MALRD1: variants seen among roughly 807,000 people sequenced by gnomAD.
MALRD1 encodes the protein MAM and LDL receptor class A domain containing 1, also known as MAM and LDL-receptor class A domain-containing protein 1.
Under a neutral mutation model 242.1 loss-of-function variants are expected in MALRD1, and 247 were observed. The ratio of observed to expected loss-of-function variants is 1.02; its 90% CI spans 0.92 to 1.13. MALRD1 has a LOEUF of 1.13. MALRD1 is among the 50% of genes most tolerant of loss of function. The probability of loss-of-function intolerance (pLI) is 0.00; values close to 1 mark genes in which losing one functional copy is unlikely to be tolerated. For missense variants in MALRD1, 2,989 were observed against 2,533.1 expected, an observed-to-expected ratio of 1.18 and a Z score of -3.86; for synonymous variants, 995 against 866.6, an observed-to-expected ratio of 1.15 and a Z score of -2.60.
intron 36 of MALRD1, among the ~76,000 whole-genome samples, chr10:19,671,690 T>C (rs1178470191): frequency 6.6e-6 from 1 of 152,206 alleles, no homozygotes; most frequent in African/African-American, 2.4e-5. Context: ...TACGTATCCA[T>C]TGCCTAAAAA....
intron 29 of MALRD1, among the ~76,000 whole-genome samples, chr10:19,454,525 A>T (rs2131062153): frequency 6.7e-6 from 1 of 149,348 alleles, no homozygotes; most frequent in African/African-American, 2.5e-5. Flanking sequence ...TATATGGATA[A>T]ACCCATATAA....
At chr10:19,306,320 GTATATATAGTGTCGTATATATACCATA>G (rs1437827222) in intron 21 of MALRD1, among the ~76,000 whole-genome samples, 6 of 137,184 alleles carry the variant, frequency 4.4e-5, no homozygotes, top group Non-Finnish European at 6.2e-5. Flanking sequence ...ACCGTATATA[GTATATATAGTGTCGTATATATACCATA>G]TATAGTATAT....
At chr10:19,108,713 G>A (rs1295154025) in intron 5 of MALRD1, among the ~76,000 whole-genome samples, 1 of 26,698 alleles carries the variant, frequency 3.7e-5, no homozygotes. Flanking sequence ...CACCGCGCCC[G>A]GCCGTTTTTT....
chr10:19,683,606 T>C (rs781395517), intron 36 of MALRD1, among the ~76,000 whole-genome samples: 1 of 152,134 alleles, frequency 6.6e-6, no homozygotes, highest in Non-Finnish European at 1.5e-5. Flanking sequence ...CCTGTCTATA[T>C]CTTGAGATGT....
intron 33 of MALRD1, among the ~76,000 whole-genome samples, chr10:19,585,842 C>T (rs1837363988): frequency 6.6e-6 from 1 of 152,150 alleles, no homozygotes; most frequent in South Asian, 2.1e-4. Context: ...GTTCCATTCT[C>T]CCTGTCACTT....
chr10:19,463,570 G>A (rs374737454), intron 29 of MALRD1, among the ~76,000 whole-genome samples: 106 of 95,812 alleles, frequency 1.1e-3, no homozygotes, highest in Admixed American at 8.4e-3. Flanking sequence ...GTGTGTGTGT[G>A]TGTGTGTGTG....
At position 19,729,721 on chromosome 10, in the gene MALRD1, C is replaced by CTTTTTTTTT. The variant is rs35279728; in HGVS notation, c.6315-960_6315-952dup. Among the ~76,000 whole-genome samples the CTTTTTTTTT allele has an allele frequency of 1.0e-3, 42 of 40,698 alleles. 7 individuals carry two copies. The highest frequency in any genetic ancestry group is 3.3e-3 in the Admixed American group (7 of 2,122). 26.7% of individuals were successfully genotyped at this position (40,698 alleles called of 152,430 possible). On this transcript the variant is annotated intron_variant, in intron 38 of 39. Transcript: ENST00000454679. ...GTGTCTTCTAATAAGTCTATTAATTCTTTTTTTTTTTTTTTTTTTTTTTTT... is the reference window on the plus strand; with the variant it reads ...GTGTCTTCTAATAAGTCTATTAATTCTTTTTTTTTTTTTTTTTTTTTTTTTTTTTTTTTT...
At position 19,491,614 on chromosome 10, in the gene MALRD1, C is replaced by G. The variant is rs10827499; in HGVS notation, c.5127C>G (p.Asp1709Glu). The G allele has an allele frequency of 6.5e-7, 1 of 1,549,750 alleles. No homozygotes were observed. The highest frequency in any genetic ancestry group is 2.0e-5 in the Admixed American group (1 of 50,974). ...ACCTTCTTTGTGACTATAAGCCAGA[C>G]TGCTCTGATAGGTCTGATGAAGCTC... Reference protein sequence around the residue: ...ASHLLCDYKPDCSDRSDEAHC... With the variant: ...ASHLLCDYKPECSDRSDEAHC... Residue 1709 changes from aspartate to glutamate, a missense_variant, in exon 30 of 40, where the codon GAC becomes GAG. Coordinates refer to ENST00000454679, the MANE Select transcript of MALRD1 (RefSeq NM_001142308.3).
In MALRD1 at chr10:19,347,930, T is replaced by A. The variant is rs1844204042; in HGVS notation, c.4061T>A (p.Ile1354Asn). Reference protein sequence around the residue: ...HTLGNSSGHYIFIKSLFPQQP... With the variant: ...HTLGNSSGHYNFIKSLFPQQP... ...TTGGGAAATTCATCTGGTCATTACA[T>A]CTTTATAAAGAGTTTGTTTCCTCAG... The change falls in exon 25 of 40, where the codon ATC (isoleucine) becomes AAC (asparagine). Residue 1354 changes from isoleucine (I) to asparagine (N), a missense_variant. Transcript: ENST00000454679. 6.5e-7 allele frequency: 1 copy of A among 1,550,370 alleles called. No homozygotes were observed. Among genetic ancestry groups the A allele is most frequent in the South Asian group, 1.2e-5 (1 of 84,064 alleles).
intron 38 of MALRD1, among the ~76,000 whole-genome samples, chr10:19,717,856 A>C (rs948171081): frequency 5.3e-5 from 8 of 152,172 alleles, no homozygotes; most frequent in Admixed American, 6.5e-5. Flanking sequence ...GTTTCTACTA[A>C]AAATACAAAA....
At chr10:19,524,669 A>G (rs966499619) in intron 31 of MALRD1, among the ~76,000 whole-genome samples, 3 of 152,130 alleles carry the variant, frequency 2.0e-5, no homozygotes, top group Admixed American at 6.5e-5. Context: ...TGAAAGAGGC[A>G]TAATGCACAG....
At chr10:19,471,197 T>C (rs983985219) in intron 29 of MALRD1, among the ~76,000 whole-genome samples, 7 of 151,848 alleles carry the variant, frequency 4.6e-5, no homozygotes, top group Non-Finnish European at 1.0e-4. Flanking sequence ...TATTCTTTTT[T>C]CATTATGTAT....
intron 1 of MALRD1, among the ~76,000 whole-genome samples, chr10:19,065,149 T>G (rs1218870544): frequency 6.6e-6 from 1 of 151,326 alleles, no homozygotes; most frequent in African/African-American, 2.4e-5. Flanking sequence ...TAGCCAGGCA[T>G]GTTGGTGCAT....
At chr10:19,429,139 C>T (rs1564331907) in intron 28 of MALRD1, among the ~76,000 whole-genome samples, 1 of 152,158 alleles carries the variant, frequency 6.6e-6, no homozygotes, top group Non-Finnish European at 1.5e-5. Context: ...CAAAGGCTTG[C>T]ATTAAGGGAC....
At chr10:19,599,351 G>A (rs970623023) in intron 34 of MALRD1, among the ~76,000 whole-genome samples, 5 of 151,976 alleles carry the variant, frequency 3.3e-5, no homozygotes, top group Admixed American at 6.6e-5. Flanking sequence ...AGAACACTTC[G>A]TATTGAATAT....
At chr10:19,686,394 A>G (rs1414021603) in intron 36 of MALRD1, among the ~76,000 whole-genome samples, 1 of 152,136 alleles carries the variant, frequency 6.6e-6, no homozygotes, top group Non-Finnish European at 1.5e-5. Context: ...AGTTGTGCGC[A>G]TGCTCACTCG....
chr10:19,049,174 C>G (rs766733248), intron 1 of MALRD1, 37 bp downstream of exon 1: 3 of 1,231,354 alleles, frequency 2.4e-6, no homozygotes, highest in African/African-American at 1.6e-5. Context: ...TTCAATTCCC[C>G]GTACAGCCTG....
intron 28 of MALRD1, among the ~76,000 whole-genome samples, chr10:19,397,852 A>C (rs142786073): frequency 3.3e-5 from 5 of 151,858 alleles, no homozygotes; most frequent in African/African-American, 1.2e-4. Context: ...CCATTCTAAC[A>C]GGCATGAGGT....
intron 32 of MALRD1, among the ~76,000 whole-genome samples, chr10:19,553,567 G>A (rs1835587697): frequency 6.6e-6 from 1 of 151,920 alleles, no homozygotes; most frequent in African/African-American, 2.4e-5. Context: ...GAAACCTGGG[G>A]CTTTTTGTTA....
Sources: gnomAD v4.1 joint callset for allele counts (sites outside exome capture counted in the v4.1 genomes callset) on GRCh38, gnomAD v4.1.1 for gene constraint, MANE v1.5 for transcripts, NCBI Gene and HGNC (gene_info 2026-07-23, HGNC 2026-07-21) for gene names.